LRIG2: variants seen among roughly 807,000 people sequenced by gnomAD.
The protein encoded by LRIG2 is leucine-rich repeats and immunoglobulin-like domains protein 2.
LRIG2 carries 93 observed loss-of-function variants against 107.8 expected under a neutral mutation model. The observed-to-expected ratio is 0.86, with a 90% CI of 0.73 to 1.03. LRIG2 has a LOEUF of 1.03. LRIG2 is among the 50% of genes least tolerant of loss of function. LRIG2 has a pLI of 0.00. For missense variants in LRIG2, 1,226 were observed against 1,296.0 expected (o/e 0.95, Z 0.83); for synonymous variants, 471 against 470.6 (o/e 1.00, Z -0.01).
At chr1:113,103,973 C>A (rs1654420556) in intron 11 of LRIG2, among the ~76,000 whole-genome samples, 1 of 152,166 alleles carries the variant, frequency 6.6e-6, no homozygotes, top group Non-Finnish European at 1.5e-5. Flanking sequence ...ACTCTGTTGT[C>A]TCTAATGGAT....
chr1:113,110,615 C>A, intron 13 of LRIG2, 53 bp downstream of exon 13: 1 of 1,310,362 alleles, frequency 7.6e-7, no homozygotes, highest in Non-Finnish European at 1.1e-6. Flanking sequence ...TTTTCATGTT[C>A]AGTTTTGAAT....
At position 113,091,484 on chromosome 1, in the gene LRIG2, T is replaced by C. The variant is rs1192877729; in HGVS notation, c.305+101T>C. The C allele has an allele frequency of 2.7e-5, 19 of 696,864 alleles. No homozygotes were observed. In the East Asian group the frequency reaches 5.9e-4, roughly 22 times the overall value. 43.2% of individuals were successfully genotyped at this position (696,864 alleles called of 1,614,324 possible). On this transcript the variant is annotated intron_variant, in intron 2 of 17. Transcript: ENST00000361127. The stretch of plus-strand genomic sequence containing the variant: ...TAATCCAGAGATGCCATAAAAAAAT[T>C]GAAGGAAAAAATTAGTTAAAAGAAA...
Position 113,124,325 on chromosome 1 carries a change from G to A in LRIG2, c.*224G>A, listed in dbSNP as rs956568481. 1.6e-5 allele frequency: 9 copies of A among 571,408 alleles called. No homozygotes were observed. The highest frequency in any genetic ancestry group is 4.6e-4 in the Middle Eastern group (1 of 2,160). The allele number at this position is 571,408 out of a possible 1,614,324, so 35.4% of individuals were successfully genotyped here. A position where few individuals can be genotyped will look rare whatever the true frequency, so the allele number is the denominator to read the frequency against. On this transcript the variant is annotated 3_prime_UTR_variant, in exon 18 of 18. Transcript: ENST00000361127. ...CAGCTCATCAAAAATGTGCAGCACC[G>A]GCAGAGGGAAGATACGGGGCAAATG...
Position 113,093,516 on chromosome 1 carries a change from T to C in LRIG2, c.467T>C (p.Ile156Thr). Residue 156 changes from isoleucine (I) to threonine (T), a missense_variant, in exon 4 of 18, where the codon ATA becomes ACA. Physicochemically the swap from Ile to Thr is moderately conservative, Grantham distance 89. Around this residue, in one of 3 missense-constraint regions of LRIG2, gnomAD observed 570 missense variants for 550.2 expected, o/e 1.04. Transcript: ENST00000361127. ...AGTTTAGACCTCAGCTCAAATATAA[T>C]ATCAGAAATCAAGACATCTTCATTT... is the stretch of plus-strand genomic sequence containing the variant. ...LESLDLSSNIISEIKTSSFPR... is the reference protein window; with the variant it reads ...LESLDLSSNITSEIKTSSFPR... 8 of 1,610,734 alleles carry C rather than the reference T, an allele frequency of 5.0e-6. No homozygotes were observed. The highest frequency in any genetic ancestry group is 6.8e-6 in the Non-Finnish European group (8 of 1,177,650).
At position 113,127,833 on chromosome 1, in the gene LRIG2, GC is replaced by G. The variant is rs1262994465; in HGVS notation, c.*3733del. ...TCCACCCGCCTCGGCCTCCTAGAGT[GC>G]TGGGATTACAGGCGTGAGCCACCGA... On this transcript the variant is annotated 3_prime_UTR_variant, in exon 18 of 18. Transcript: ENST00000361127. The G allele has an allele frequency of 6.6e-6, 1 of 152,156 alleles. No individual in the cohort carries two copies. The highest frequency in any genetic ancestry group is 1.9e-4 in the East Asian group (1 of 5,194). The allele number at this position is 152,156 out of a possible 1,614,324, so 9.4% of individuals were successfully genotyped here. A position where few individuals can be genotyped will look rare whatever the true frequency, so the allele number is the denominator to read the frequency against.
In LRIG2 at chr1:113,128,997, A is replaced by AGAT. The variant is rs1655594534; in HGVS notation, c.*4897_*4899dup. 6.6e-6 allele frequency: 1 copy of AGAT among 152,152 alleles called. No individual in the cohort carries two copies. The highest frequency in any genetic ancestry group is 6.6e-5 in the Admixed American group (1 of 15,262). The allele number at this position is 152,152 out of a possible 1,614,324, so 9.4% of individuals were successfully genotyped here. On this transcript the variant is annotated 3_prime_UTR_variant, in exon 18 of 18. Coordinates refer to ENST00000361127, the MANE Select transcript of LRIG2 (RefSeq NM_014813.3). Reference sequence around the variant, plus strand: ...CACCCGTCATGTGTGAGAGAGCAGAAGATAGCCTGTGAGCCAGTGCTCTAG... The same window carrying AGAT: ...CACCCGTCATGTGTGAGAGAGCAGAAGATGATAGCCTGTGAGCCAGTGCTCTAG...
At chr1:113,083,607 A>G (rs920245644) in intron 1 of LRIG2, among the ~76,000 whole-genome samples, 2 of 151,436 alleles carry the variant, frequency 1.3e-5, no homozygotes, top group Non-Finnish European at 2.9e-5. Context: ...TGGCTATCCA[A>G]AGTGCTGGGA....
chr1:113,114,657 A>G lies in LRIG2; in HGVS notation c.2311A>G (p.Thr771Ala). The change falls in exon 15 of 18, where the codon ACC becomes GCC. Residue 771 changes from threonine (T) to alanine (A), a missense_variant. Thr to Ala is a moderately conservative substitution (Grantham distance 58). Transcript: ENST00000361127. ...GAAATATACCTGCATTATGTCTAAC[A>G]CCCTTGGGACAGAACGTGGCCACAT... Reference protein sequence around the residue: ...AGKYTCIMSNTLGTERGHIYL... With the variant: ...AGKYTCIMSNALGTERGHIYL... 1.2e-6 allele frequency: 2 copies of G among 1,613,990 alleles called. No homozygotes were observed. Among genetic ancestry groups the G allele is most frequent in the Non-Finnish European group, 1.7e-6 (2 of 1,179,996 alleles).
rs1654693512 is a variant in LRIG2, at chr1:113,109,790, A to G, written c.1478-452A>G. Among the ~76,000 whole-genome samples, 3 of 152,176 alleles carry G rather than the reference A, an allele frequency of 2.0e-5. No homozygotes were observed. The South Asian group carries it at 6.2e-4, about 32-fold the overall frequency. ...CACTTCGACCTCTGAAAGTGCTAGG[A>G]TTACAGGTGTGAGCCACCGTGCCTG... On this transcript the variant is annotated intron_variant, in intron 12 of 17. Coordinates refer to ENST00000361127, the MANE Select transcript of LRIG2 (RefSeq NM_014813.3).
intron 1 of LRIG2, among the ~76,000 whole-genome samples, chr1:113,084,437 G>A (rs1049475505): frequency 6.6e-6 from 1 of 151,748 alleles, no homozygotes; most frequent in South Asian, 2.1e-4. Context: ...AGATGGTCTC[G>A]ATCTCCTGAC....
intron 1 of LRIG2, among the ~76,000 whole-genome samples, chr1:113,080,938 G>A (rs1459500359): frequency 6.7e-6 from 1 of 149,562 alleles, no homozygotes; most frequent in East Asian, 2.0e-4. Flanking sequence ...GTGCTTCCTG[G>A]GTTCAAGGGA....
chr1:113,094,796 CTGTT>C lies in LRIG2; in HGVS notation c.803+44_803+47del, dbSNP rs1285886272. The C allele has an allele frequency of 1.9e-5, 30 of 1,585,166 alleles. No individual in the cohort carries two copies. In the African/African-American group the frequency reaches 2.0e-4, roughly 11 times the overall value. ...TAGAGGTGATTATTAGGAAAGTAGT[CTGTT>C]TGGGACTTTTCAGTGTCGAATGGCT... is the stretch of plus-strand genomic sequence containing the variant. On this transcript the variant is annotated intron_variant, in intron 6 of 17. Coordinates refer to ENST00000361127, the MANE Select transcript of LRIG2 (RefSeq NM_014813.3).
chr1:113,085,069 G>A (rs2101023576), intron 1 of LRIG2, among the ~76,000 whole-genome samples: 1 of 152,314 alleles, frequency 6.6e-6, no homozygotes, highest in African/African-American at 2.4e-5. Flanking sequence ...TTGTAAACCA[G>A]TTTTTTAAGG....
At chr1:113,082,948 G>T (rs898909237) in intron 1 of LRIG2, among the ~76,000 whole-genome samples, 2 of 147,336 alleles carry the variant, frequency 1.4e-5, no homozygotes, top group East Asian at 4.2e-4. Flanking sequence ...GAGCCACCAC[G>T]CCCAGGCTGG....
At chr1:113,122,707 C>T (rs1461327712) in intron 17 of LRIG2, among the ~76,000 whole-genome samples, 2 of 152,124 alleles carry the variant, frequency 1.3e-5, no homozygotes, top group East Asian at 1.9e-4. Context: ...TCTTCTTACT[C>T]GAAGTCTGGT....
At position 113,124,130 on chromosome 1, in the gene LRIG2, A is replaced by C; in HGVS notation, c.*29A>C. 1 of 1,591,768 alleles carries C rather than the reference A, an allele frequency of 6.3e-7. No individual in the cohort carries two copies. Among genetic ancestry groups the C allele is most frequent in the East Asian group, 2.2e-5 (1 of 44,728 alleles). On this transcript the variant is annotated 3_prime_UTR_variant, in exon 18 of 18. Coordinates refer to ENST00000361127, the MANE Select transcript of LRIG2 (RefSeq NM_014813.3). ...TCACTTCAGGATGAAATCTGGGCAG[A>C]GACTTATTAATTAATTTTGCATTTA...
At chr1:113,098,314 T>C (rs1654154632) in intron 8 of LRIG2, among the ~76,000 whole-genome samples, 1 of 152,242 alleles carries the variant, frequency 6.6e-6, no homozygotes, top group Non-Finnish European at 1.5e-5. Context: ...AGAAATCCCA[T>C]TAATCTGAAA....
At chr1:113,084,651 A>G (rs531316531) in intron 1 of LRIG2, among the ~76,000 whole-genome samples, 2 of 152,358 alleles carry the variant, frequency 1.3e-5, no homozygotes, top group Admixed American at 6.5e-5. Context: ...ATGAGTAATC[A>G]AAGGATTACT....
At chr1:113,084,447 C>A (rs1008415687) in intron 1 of LRIG2, among the ~76,000 whole-genome samples, 6 of 151,956 alleles carry the variant, frequency 3.9e-5, no homozygotes, top group Non-Finnish European at 8.8e-5. Flanking sequence ...GATCTCCTGA[C>A]CTTGTGATCC....
Sources: allele counts gnomAD v4.1 joint callset (sites outside exome capture counted in the v4.1 genomes callset), GRCh38; gene constraint gnomAD v4.1.1; regional missense constraint gnomAD v4.1.1; transcripts MANE v1.5; gene names NCBI Gene and HGNC (gene_info 2026-07-23, HGNC 2026-07-21).